CTIF: variants seen among roughly 807,000 people sequenced by gnomAD.
CTIF encodes cap binding complex dependent translation initiation factor, also known as CBP80/20-dependent translation initiation factor.
A neutral mutation model predicts 66.0 loss-of-function variants in CTIF; 21 were observed. That is an observed-to-expected ratio of 0.32 (90% CI 0.23 to 0.46). The LOEUF (loss-of-function observed/expected upper bound fraction) is 0.46, where lower values mean the gene tolerates loss of function less well. Among genes scored for constraint, CTIF ranks in the 20% least tolerant of loss-of-function variants. The pLI is 1.00. For missense variants in CTIF, 739 were observed against 812.7 expected, an observed-to-expected ratio of 0.91 and a Z score of 1.10; for synonymous variants, 345 against 326.4, an observed-to-expected ratio of 1.06 and a Z score of -0.62.
At chr18:48,792,057 C>G (rs1339723891) in intron 9 of CTIF, among the ~76,000 whole-genome samples, 16 of 152,202 alleles carry the variant, frequency 1.1e-4, no homozygotes, top group Non-Finnish European at 4.4e-5. Flanking sequence ...TGATAAGCAT[C>G]AAAGCAACAG....
intron 6 of CTIF, among the ~76,000 whole-genome samples, chr18:48,696,141 T>C (rs2092004413): frequency 6.6e-6 from 1 of 152,230 alleles, no homozygotes. Context: ...CTGCAACGTG[T>C]AAGATGCAAT....
chr18:48,576,363 C>G (rs1264511434), intron 1 of CTIF, among the ~76,000 whole-genome samples: 1 of 152,258 alleles, frequency 6.6e-6, no homozygotes, highest in East Asian at 1.9e-4. Flanking sequence ...TTTGCGGTAG[C>G]TGGGGAAGGG....
chr18:48,591,139 C>T (rs2089879014), intron 1 of CTIF, among the ~76,000 whole-genome samples: 1 of 152,224 alleles, frequency 6.6e-6, no homozygotes, highest in Non-Finnish European at 1.5e-5. Context: ...ATCCATCTCC[C>T]TTGTCCATGG....
chr18:48,691,945 G>A (rs546130421), intron 6 of CTIF, among the ~76,000 whole-genome samples: 3 of 152,304 alleles, frequency 2.0e-5, no homozygotes, highest in Admixed American at 6.5e-5. Context: ...ACAGTGGTGT[G>A]ATTTCGGCTC....
In CTIF at chr18:48,861,899, T is replaced by TCGTGTCACGG. The variant is rs2069477952; in HGVS notation, c.*2341_*2350dup. ...ATATAAATATATTTTTAATTACATG[T>TCGTGTCACGG]CGTGTCACGGTGGCTCCAGACATAC... is the stretch of plus-strand genomic sequence containing the variant. On this transcript the variant is annotated 3_prime_UTR_variant, in exon 12 of 12. Coordinates refer to ENST00000256413, the MANE Select transcript of CTIF (RefSeq NM_014772.3). 6.6e-6 allele frequency: 1 copy of TCGTGTCACGG among 152,206 alleles called. No individual in the cohort carries two copies. Among genetic ancestry groups the TCGTGTCACGG allele is most frequent in the African/African-American group, 2.4e-5 (1 of 41,444 alleles). The allele number at this position is 152,206 out of a possible 1,614,324, so 9.4% of individuals were successfully genotyped here.
chr18:48,861,743 T>C lies in CTIF; in HGVS notation c.*2184T>C, dbSNP rs1568278630. Reference sequence around the variant, plus strand: ...GAAACACTGTGTGGAGGGGGCTGTGTTGTGGGCACCTTGGGGCCTGATTCT... The same window carrying C: ...GAAACACTGTGTGGAGGGGGCTGTGCTGTGGGCACCTTGGGGCCTGATTCT... On this transcript the variant is annotated 3_prime_UTR_variant, in exon 12 of 12. Coordinates refer to ENST00000256413, the MANE Select transcript of CTIF (RefSeq NM_014772.3). 6.6e-6 allele frequency: 1 copy of C among 152,302 alleles called. No individual in the cohort carries two copies. Among genetic ancestry groups the C allele is most frequent in the Non-Finnish European group, 1.5e-5 (1 of 68,098 alleles). 9.4% of individuals were successfully genotyped at this position (152,302 alleles called of 1,614,324 possible). A position where few individuals can be genotyped will look rare whatever the true frequency, so the allele number is the denominator to read the frequency against.
intron 9 of CTIF, among the ~76,000 whole-genome samples, chr18:48,768,916 C>T (rs1909841230): frequency 6.6e-6 from 1 of 152,130 alleles, no homozygotes; most frequent in South Asian, 2.1e-4. Flanking sequence ...AAAAAAGAAT[C>T]CATCTCAGGA....
rs74531988 is a variant in CTIF at position 48,618,044 on chromosome 18, T to C, written c.-28-1494T>C. Among the ~76,000 whole-genome samples, 5 of 152,240 alleles carry C rather than the reference T, an allele frequency of 3.3e-5. No homozygotes were observed. In the East Asian group the frequency reaches 9.7e-4, roughly 29 times the overall value. On this transcript the variant is annotated intron_variant, in intron 1 of 11. Coordinates refer to ENST00000256413, the MANE Select transcript of CTIF (RefSeq NM_014772.3). ...CCCCCGGGCAGTTCTTCCTCTCCAT[T>C]CCCTCACCCTCGGAGAAGGCAGTGA...
chr18:48,744,068 A>C (rs928619714), intron 7 of CTIF, among the ~76,000 whole-genome samples: 4 of 152,196 alleles, frequency 2.6e-5, no homozygotes, highest in Admixed American at 1.3e-4. Flanking sequence ...GCTTATGGTG[A>C]GTGCTGGTAC....
intron 5 of CTIF, among the ~76,000 whole-genome samples, chr18:48,665,032 A>G (rs1206208730): frequency 6.7e-6 from 1 of 149,978 alleles, no homozygotes; most frequent in Non-Finnish European, 1.5e-5. Context: ...CTCCTGCCTC[A>G]GCCTCCCGAG....
At chr18:48,555,983 A>G (rs2089010320) in intron 1 of CTIF, among the ~76,000 whole-genome samples, 1 of 152,198 alleles carries the variant, frequency 6.6e-6, no homozygotes, top group Non-Finnish European at 1.5e-5. Context: ...TCCTTTTGCC[A>G]GGAGGAGGCA....
chr18:48,859,561 A>G lies in CTIF; in HGVS notation c.*2A>G, dbSNP rs748228924. 5.0e-6 allele frequency: 8 copies of G among 1,613,780 alleles called. No homozygotes were observed. Among genetic ancestry groups the G allele is most frequent in the Non-Finnish European group, 6.8e-6 (8 of 1,179,958 alleles). ...ACCATCCAGAAACTGACAGCCTGAC[A>G]GCCAGGGGGCCTGGCAGGCGGCCCA... On this transcript the variant is annotated 3_prime_UTR_variant, in exon 12 of 12. Coordinates refer to ENST00000256413, the MANE Select transcript of CTIF (RefSeq NM_014772.3).
At chr18:48,771,299 G>A (rs774704753) in intron 9 of CTIF, among the ~76,000 whole-genome samples, 2 of 152,164 alleles carry the variant, frequency 1.3e-5, no homozygotes, top group Non-Finnish European at 2.9e-5. Context: ...TCATCTTTGT[G>A]TCCCACCACC....
chr18:48,575,076 T>C (rs2089501125), intron 1 of CTIF, among the ~76,000 whole-genome samples: 1 of 152,204 alleles, frequency 6.6e-6, no homozygotes, highest in South Asian at 2.1e-4. Flanking sequence ...GCCCCGCCTC[T>C]GCCAGGACTC....
At chr18:48,628,590 C>G (rs2090644728) in intron 2 of CTIF, among the ~76,000 whole-genome samples, 1 of 152,142 alleles carries the variant, frequency 6.6e-6, no homozygotes, top group Non-Finnish European at 1.5e-5. Flanking sequence ...CACGTACCAT[C>G]CACTTATCCT....
intron 9 of CTIF, among the ~76,000 whole-genome samples, chr18:48,783,565 A>C (rs1158902686): frequency 6.6e-6 from 1 of 152,052 alleles, no homozygotes; most frequent in Non-Finnish European, 1.5e-5. Flanking sequence ...GGAACTGTTG[A>C]GTGTGTGGGG....
intron 10 of CTIF, among the ~76,000 whole-genome samples, chr18:48,841,346 G>C (rs901318310): frequency 1.3e-5 from 2 of 152,028 alleles, no homozygotes; most frequent in African/African-American, 4.8e-5. Context: ...TCTGCAGCCG[G>C]GCCCTCCCTG....
chr18:48,801,583 C>T (rs1345400304), intron 9 of CTIF, among the ~76,000 whole-genome samples: 1 of 152,228 alleles, frequency 6.6e-6, no homozygotes, highest in Non-Finnish European at 1.5e-5. Flanking sequence ...CTGGAATCCC[C>T]ATTATAGGTC....
At chr18:48,749,070 T>G (rs1212001408) in intron 7 of CTIF, among the ~76,000 whole-genome samples, 1 of 152,254 alleles carries the variant, frequency 6.6e-6, no homozygotes, top group Non-Finnish European at 1.5e-5. Flanking sequence ...TAGGCGACTT[T>G]CTGTCCATGT....
Sources: allele counts gnomAD v4.1 joint callset (sites outside exome capture counted in the v4.1 genomes callset), GRCh38; gene constraint gnomAD v4.1.1; transcripts MANE v1.5; gene names NCBI Gene and HGNC (gene_info 2026-07-23, HGNC 2026-07-21).